Variants in TANC2 observed in about 807,000 individuals in gnomAD.
TANC2 encodes tetratricopeptide repeat, ankyrin repeat and coiled-coil containing 2.
In TANC2, 26 loss-of-function variants were observed where a neutral mutation model predicts 210.5. The ratio of observed to expected loss-of-function variants is 0.12; its 90% CI spans 0.09 to 0.17. The LOEUF is 0.17. Among genes scored for constraint, TANC2 ranks in the 10% least tolerant of loss-of-function variants. The pLI is 1.00. For missense variants in TANC2, 2,129 were observed against 2,608.9 expected, an observed-to-expected ratio of 0.82 and a Z score of 4.01; for synonymous variants, 931 against 967.1, an observed-to-expected ratio of 0.96 and a Z score of 0.69.
intron 9 of TANC2, among the ~76,000 whole-genome samples, chr17:63,310,788 C>CT (rs999932902): frequency 7.2e-5 from 11 of 152,286 alleles, no homozygotes; most frequent in Middle Eastern, 3.4e-3. Context: ...AATAATAATA[C>CT]TACCCCGTGA....
At chr17:63,230,558 G>A (rs1287499796) in intron 7 of TANC2, among the ~76,000 whole-genome samples, 1 of 152,152 alleles carries the variant, frequency 6.6e-6, no homozygotes, top group Non-Finnish European at 1.5e-5. Flanking sequence ...TCATTCAGGA[G>A]CAGGTTGTTC....
intron 11 of TANC2, among the ~76,000 whole-genome samples, chr17:63,334,835 G>A (rs1475724534): frequency 1.3e-5 from 2 of 152,238 alleles, no homozygotes; most frequent in Non-Finnish European, 2.9e-5. Flanking sequence ...TGATTGAATA[G>A]TCCTGCAGGC....
intron 17 of TANC2, among the ~76,000 whole-genome samples, chr17:63,392,168 G>A (rs2048001167): frequency 6.6e-6 from 1 of 152,138 alleles, no homozygotes; most frequent in Non-Finnish European, 1.5e-5. Context: ...ATAGGCTTTG[G>A]CGTCAAACCC....
At chr17:63,025,401 A>G (rs2034508267) in intron 2 of TANC2, among the ~76,000 whole-genome samples, 1 of 151,960 alleles carries the variant, frequency 6.6e-6, no homozygotes. Context: ...ATCTTTGGAG[A>G]TGGGTAAGTA....
rs1027400552 is a variant in TANC2 at position 63,073,829 on chromosome 17, A to G, written c.68-114A>G. 7 of 923,166 alleles carry G rather than the reference A, an allele frequency of 7.6e-6. No homozygotes were observed. The African/African-American group carries it at 1.0e-4, about 13-fold the overall frequency. 57.2% of individuals were successfully genotyped at this position (923,166 alleles called of 1,614,324 possible). A position where few individuals can be genotyped will look rare whatever the true frequency, so the allele number is the denominator to read the frequency against. On this transcript the variant is annotated intron_variant, in intron 2 of 27. Transcript: ENST00000689528. Reference sequence around the variant, plus strand: ...CTCAAATATTTTAATGATCCGGATTATAGGAAATACAAATAAATGATCGAT... The same window carrying G: ...CTCAAATATTTTAATGATCCGGATTGTAGGAAATACAAATAAATGATCGAT...
chr17:63,020,739 A>G (rs2034311644), intron 2 of TANC2, among the ~76,000 whole-genome samples: 1 of 152,216 alleles, frequency 6.6e-6, no homozygotes, highest in Non-Finnish European at 1.5e-5. Context: ...GCTATAAAGG[A>G]ATACTTGAGA....
In TANC2 at chr17:63,099,244, A is replaced by C. The variant is rs779139258; in HGVS notation, c.209A>C (p.Glu70Ala). Residue 70 changes from glutamate (E) to alanine (A), a missense_variant, in exon 4 of 28, where the codon GAA becomes GCA. Physicochemically the swap from Glu to Ala is moderately radical, Grantham distance 107. Coordinates refer to ENST00000689528, the Ensembl canonical transcript of TANC2. ...GCTGTCCCGCCACTTCCAGTGAGTG[A>C]AGGTATGCAGCACATTCGGATTATG... The C allele has an allele frequency of 2.5e-6, 4 of 1,610,034 alleles. No homozygotes were observed. The South Asian group carries it at 4.4e-5, about 18-fold the overall frequency.
intron 5 of TANC2, among the ~76,000 whole-genome samples, chr17:63,186,099 G>A (rs2040972992): frequency 6.6e-6 from 1 of 152,072 alleles, no homozygotes; most frequent in African/African-American, 2.4e-5. Flanking sequence ...TTTAAGGACA[G>A]GATTTACTTT....
At chr17:63,261,435 T>A (rs2043353365) in intron 8 of TANC2, among the ~76,000 whole-genome samples, 1 of 152,046 alleles carries the variant, frequency 6.6e-6, no homozygotes, top group African/African-American at 2.4e-5. Context: ...CACTTACATC[T>A]CCATGAAGGG....
intron 4 of TANC2, among the ~76,000 whole-genome samples, chr17:63,136,440 T>C (rs186342552): frequency 5.7e-4 from 87 of 152,318 alleles, no homozygotes; most frequent in African/African-American, 2.0e-3. Flanking sequence ...AAGTTCTAAA[T>C]AGATGAAGGA....
intron 4 of TANC2, among the ~76,000 whole-genome samples, chr17:63,119,063 T>C (rs1373256616): frequency 6.6e-6 from 1 of 151,968 alleles, no homozygotes; most frequent in Non-Finnish European, 1.5e-5. Flanking sequence ...ATTACAGGAG[T>C]GAGCCACCAC....
At chr17:63,417,463 A>G (rs765213061) in intron 26 of TANC2, among the ~76,000 whole-genome samples, 2 of 152,080 alleles carry the variant, frequency 1.3e-5, no homozygotes, top group Non-Finnish European at 2.9e-5. Context: ...GTTCTCAGGA[A>G]TGACATGCCT....
chr17:62,969,117 T>G (rs1439195428), intron 1 of TANC2, among the ~76,000 whole-genome samples: 1 of 152,130 alleles, frequency 6.6e-6, no homozygotes, highest in East Asian at 1.9e-4. Flanking sequence ...CAGCACAGTT[T>G]AAGCCCATGT....
chr17:63,045,724 T>C (rs1055155162), intron 2 of TANC2, among the ~76,000 whole-genome samples: 2 of 152,184 alleles, frequency 1.3e-5, no homozygotes, highest in African/African-American at 4.8e-5. Context: ...CTTTCTCATG[T>C]ACTAAGAATC....
chr17:63,350,477 C>T (rs1185965485), intron 12 of TANC2, among the ~76,000 whole-genome samples: 4 of 152,172 alleles, frequency 2.6e-5, no homozygotes. Flanking sequence ...GAAATTTTCC[C>T]AAGCTGCTTC....
At chr17:63,276,046 T>C (rs1162228915) in intron 9 of TANC2, among the ~76,000 whole-genome samples, 1 of 152,154 alleles carries the variant, frequency 6.6e-6, no homozygotes, top group African/African-American at 2.4e-5. Flanking sequence ...CCAATAAATT[T>C]ACTTAGATAA....
intron 11 of TANC2, chr17:63,332,014 C>T: frequency 3.5e-6 from 1 of 286,062 alleles, no homozygotes; most frequent in Non-Finnish European, 6.9e-6. Flanking sequence ...ATGCTGTCAT[C>T]ATCCACCTCT....
At chr17:63,252,859 A>C (rs1251022833) in intron 8 of TANC2, among the ~76,000 whole-genome samples, 2 of 152,084 alleles carry the variant, frequency 1.3e-5, no homozygotes, top group Non-Finnish European at 2.9e-5. Context: ...GCTGGAGTGC[A>C]GTGGTGCAAT....
At chr17:62,968,322 A>T (rs1006681723) in intron 1 of TANC2, among the ~76,000 whole-genome samples, 1 of 152,258 alleles carries the variant, frequency 6.6e-6, no homozygotes, top group African/African-American at 2.4e-5. Flanking sequence ...ATTAAATTAC[A>T]TGTGTGAATG....
Sources: allele counts gnomAD v4.1 joint callset (sites outside exome capture counted in the v4.1 genomes callset), GRCh38; gene constraint gnomAD v4.1.1; transcripts MANE v1.5; gene names NCBI Gene and HGNC (gene_info 2026-07-23, HGNC 2026-07-21).